The following BRDT variants were observed in gnomAD, a reference collection of about 807,000 sequenced individuals.
BRDT encodes bromodomain testis-specific protein.
BRDT carries 77 observed loss-of-function variants against 113.9 expected under a neutral mutation model. The observed-to-expected ratio is 0.68, with a 90% CI of 0.56 to 0.82. The LOEUF (loss-of-function observed/expected upper bound fraction) is 0.82, where lower values mean the gene tolerates loss of function less well. Ranked by LOEUF, BRDT falls within the 40% of genes least tolerant of loss-of-function variation. BRDT has a pLI of 0.00. For missense variants in BRDT, 1,027 were observed against 1,105.4 expected (o/e 0.93, Z 1.01); for synonymous variants, 358 against 366.5 (o/e 0.98, Z 0.26).
chr1:91,981,963 G>A (rs1432035015), intron 12 of BRDT, among the ~76,000 whole-genome samples: 5 of 152,120 alleles, frequency 3.3e-5, no homozygotes, highest in East Asian at 1.9e-4. Flanking sequence ...TGTATATGAC[G>A]TGTAGGTGTG....
intron 2 of BRDT, 30 bp from the exon 3 acceptor site, chr1:91,964,597 C>T (rs759823592): frequency 4.6e-6 from 6 of 1,295,510 alleles, no homozygotes; most frequent in Non-Finnish European, 4.2e-6. Context: ...TTCATTCTTA[C>T]TAACATTTAG....
At chr1:91,968,465 T>A (rs534616259) in intron 4 of BRDT, among the ~76,000 whole-genome samples, 2 of 152,334 alleles carry the variant, frequency 1.3e-5, no homozygotes, top group East Asian at 3.9e-4. Flanking sequence ...CTGCATTGAT[T>A]ATGGCCTCAG....
chr1:91,981,962 C>T (rs1171103400), intron 12 of BRDT, among the ~76,000 whole-genome samples: 3 of 151,936 alleles, frequency 2.0e-5, no homozygotes, highest in South Asian at 2.1e-4. Flanking sequence ...ATGTATATGA[C>T]GTGTAGGTGT....
intron 18 of BRDT, among the ~76,000 whole-genome samples, chr1:92,011,734 C>A (rs150323514): frequency 6.6e-6 from 1 of 152,308 alleles, no homozygotes; most frequent in Non-Finnish European, 1.5e-5. Flanking sequence ...TGAAAGCTGA[C>A]TAATGATGTT....
At chr1:91,951,497 A>T (rs962116775) in intron 1 of BRDT, among the ~76,000 whole-genome samples, 34 of 150,530 alleles carry the variant, frequency 2.3e-4, no homozygotes, top group African/African-American at 4.6e-4. Context: ...AGATGGAATT[A>T]AAAAAAAAGA....
At chr1:91,975,820 G>T (rs912858453) in intron 4 of BRDT, among the ~76,000 whole-genome samples, 1 of 152,162 alleles carries the variant, frequency 6.6e-6, no homozygotes, top group African/African-American at 2.4e-5. Flanking sequence ...TTCTGAAGAA[G>T]GTATTGATAA....
intron 15 of BRDT, among the ~76,000 whole-genome samples, chr1:92,000,612 A>G (rs1686751505): frequency 6.6e-6 from 1 of 152,200 alleles, no homozygotes; most frequent in Non-Finnish European, 1.5e-5. Flanking sequence ...GTAAGTCCCT[A>G]TAATATGTAA....
intron 14 of BRDT, 97 bp downstream of exon 14, chr1:91,992,411 G>C: frequency 5.2e-5 from 10 of 193,526 alleles, no homozygotes; most frequent in East Asian, 1.3e-4. Flanking sequence ...ATGAAGAGAG[G>C]CAAAAAAAAA....
At position 91,963,067 on chromosome 1, in the gene BRDT, T is replaced by TA. The variant is rs1056941025; in HGVS notation, c.192+123dup. 34 of 753,016 alleles carry TA rather than the reference T, an allele frequency of 4.5e-5. No individual in the cohort carries two copies. The African/African-American group carries it at 6.0e-4, about 13-fold the overall frequency. The allele number at this position is 753,016 out of a possible 1,614,324, so 46.6% of individuals were successfully genotyped here. On this transcript the variant is annotated intron_variant, in intron 2 of 18. Transcript: ENST00000399546. ...GGCCAGGCGCGTTGGCTCCCGCCTA[T>TA]AATCCCAGCACTTTGGGAGGCCGAG...
chr1:91,971,250 C>A lies in BRDT; in HGVS notation c.445+2990C>A, dbSNP rs901926794. ...ACCCAAACACCTCCCACACCAGGCC[C>A]CACCACCAACATTGGAGGTCACATT... On this transcript the variant is annotated intron_variant, in intron 4 of 18. Coordinates refer to ENST00000399546, the MANE Select transcript of BRDT (RefSeq NM_207189.4). Among the ~76,000 whole-genome samples, 5 of 152,200 alleles carry A rather than the reference C, an allele frequency of 3.3e-5. No homozygotes were observed. The East Asian group carries it at 5.8e-4, about 18-fold the overall frequency.
At chr1:91,966,546 TA>T (rs1400074096) in intron 3 of BRDT, among the ~76,000 whole-genome samples, 1 of 152,198 alleles carries the variant, frequency 6.6e-6, no homozygotes, top group African/African-American at 2.4e-5. Flanking sequence ...TGTGAATTTT[TA>T]AAAAATCAGT....
At chr1:91,967,245 T>G (rs1164146085) in intron 3 of BRDT, among the ~76,000 whole-genome samples, 1 of 152,148 alleles carries the variant, frequency 6.6e-6, no homozygotes, top group Non-Finnish European at 1.5e-5. Context: ...ATTCTCTTTT[T>G]TTTTTTTAAG....
At chr1:91,983,661 T>C (rs1684925167) in intron 12 of BRDT, among the ~76,000 whole-genome samples, 1 of 151,932 alleles carries the variant, frequency 6.6e-6, no homozygotes, top group Admixed American at 6.6e-5. Flanking sequence ...ATATATAATG[T>C]TGAAATCAAA....
chr1:91,982,323 T>C (rs1242545691), intron 12 of BRDT, among the ~76,000 whole-genome samples: 2 of 152,246 alleles, frequency 1.3e-5, no homozygotes, highest in African/African-American at 4.8e-5. Flanking sequence ...TTCTCAGCTA[T>C]GCTCAAGTGC....
chr1:91,954,833 T>C (rs1020458010), intron 1 of BRDT, among the ~76,000 whole-genome samples: 5 of 151,926 alleles, frequency 3.3e-5, no homozygotes, highest in African/African-American at 1.2e-4. Flanking sequence ...TGTGGTGGCA[T>C]GCAGCTGTAG....
At chr1:91,986,919 A>G (rs1685295223) in intron 12 of BRDT, among the ~76,000 whole-genome samples, 1 of 148,066 alleles carries the variant, frequency 6.8e-6, no homozygotes, top group Admixed American at 7.1e-5. Flanking sequence ...AGTTTATTAA[A>G]TTATTTTAGA....
intron 12 of BRDT, among the ~76,000 whole-genome samples, chr1:91,982,234 A>G (rs995233240): frequency 6.6e-6 from 1 of 151,498 alleles, no homozygotes; most frequent in Non-Finnish European, 1.5e-5. Flanking sequence ...TGTGAATCAG[A>G]TTTTTTTTTC....
chr1:91,992,247 T>C lies in BRDT; in HGVS notation c.2065-17T>C. ...AGATAATATGATTAATGCTATAATC[T>C]ATATAATTATTTTTAGAAAATGAAG... On this transcript the variant is annotated splice_polypyrimidine_tract_variant and intron_variant, in intron 13 of 18. Transcript: ENST00000399546. 1 of 1,341,302 alleles carries C rather than the reference T, an allele frequency of 7.5e-7. No homozygotes were observed. The highest frequency in any genetic ancestry group is 1.0e-6 in the Non-Finnish European group (1 of 984,248). 83.1% of individuals were successfully genotyped at this position (1,341,302 alleles called of 1,614,324 possible).
Position 92,004,509 on chromosome 1 carries a change from A to G in BRDT, c.2484A>G (p.Gln828=), listed in dbSNP as rs199693233. The part of the protein sequence containing the change: ...VMKSSDELFN[Q]FRKAAIEKEV... ...AATCCTCAGATGAGCTCTTCAACCA[A>G]TTTAGAAAAGCAGCCATAGAAAAGG... The change falls in exon 17 of 19, where the codon CAA becomes CAG. Residue 828 remains glutamine (Q), a synonymous_variant. Transcript: ENST00000399546. 4.1e-5 allele frequency: 66 copies of G among 1,613,568 alleles called. No individual in the cohort carries two copies. In the East Asian group the frequency reaches 8.0e-4, roughly 20 times the overall value.
Sources: gnomAD v4.1 joint callset for allele counts (sites outside exome capture counted in the v4.1 genomes callset) on GRCh38, gnomAD v4.1.1 for gene constraint, MANE v1.5 for transcripts, NCBI Gene and HGNC (gene_info 2026-07-23, HGNC 2026-07-21) for gene names.